MRE11: variants seen among roughly 807,000 people sequenced by gnomAD.
MRE11 encodes double-strand break repair protein MRE11.
In MRE11, 62 loss-of-function variants were observed where a neutral mutation model predicts 91.7. The ratio of observed to expected loss-of-function variants is 0.68; its 90% CI spans 0.55 to 0.84. The LOEUF (loss-of-function observed/expected upper bound fraction) is 0.84, where lower values mean the gene tolerates loss of function less well. Among genes scored for constraint, MRE11 ranks in the 40% least tolerant of loss-of-function variants. The probability of loss-of-function intolerance (pLI) is 0.00; values close to 1 mark genes in which losing one functional copy is unlikely to be tolerated. For synonymous variants in MRE11, 273 were observed against 271.4 expected, an observed-to-expected ratio of 1.01 and a Z score of -0.06; for missense variants, 796 against 852.9, an observed-to-expected ratio of 0.93 and a Z score of 0.83.
In MRE11 at chr11:94,418,335, C is replaced by T. The variant is rs1412023942; in HGVS notation, c.*1790G>A. 4.3e-6 allele frequency: 1 copy of T among 232,812 alleles called. No homozygotes were observed. Among genetic ancestry groups the T allele is most frequent in the East Asian group, 6.1e-5 (1 of 16,528 alleles). 14.4% of individuals were successfully genotyped at this position (232,812 alleles called of 1,614,324 possible). A position where few individuals can be genotyped will look rare whatever the true frequency, so the allele number is the denominator to read the frequency against. ...ACTGCTATGTCATCACTTTCCTTAG[C>T]GGTGAACTGAATCGCATTTAGTACC... is the stretch of plus-strand genomic sequence containing the variant. On this transcript the variant is annotated 3_prime_UTR_variant, in exon 20 of 20. Coordinates refer to ENST00000323929, the MANE Select transcript of MRE11 (RefSeq NM_005591.4).
chr11:94,490,951 G>A lies in MRE11; in HGVS notation c.35C>T (p.Thr12Ile), dbSNP rs1947268667. 6.8e-7 allele frequency: 1 copy of A among 1,478,700 alleles called. No individual in the cohort carries two copies. The highest frequency in any genetic ancestry group is 9.4e-7 in the Non-Finnish European group (1 of 1,058,800). 91.6% of individuals were successfully genotyped at this position (1,478,700 alleles called of 1,614,324 possible). A position where few individuals can be genotyped will look rare whatever the true frequency, so the allele number is the denominator to read the frequency against. The change falls in exon 3 of 20, where the codon ACA becomes ATA. Residue 12 changes from threonine to isoleucine, a missense_variant. Physicochemically the swap from Thr to Ile is moderately conservative, Grantham distance 89 (BLOSUM62 -1). Transcript: ENST00000323929. ...STADALDDEN[T>I]FKILVATDIH... ...ATCTGTTGCAACTAATATTTTAAAT[G>A]TGTTTTCATCATCACTATATTAAGA...
rs996531924 is a variant in MRE11 at position 94,419,467 on chromosome 11, A to AGG, written c.*657_*658insCC. The AGG allele has an allele frequency of 3.0e-4, 42 of 142,322 alleles. No homozygotes were observed. Among genetic ancestry groups the AGG allele is most frequent in the Middle Eastern group, 2.8e-3 (1 of 356 alleles). The allele number at this position is 142,322 out of a possible 1,614,324, so 8.8% of individuals were successfully genotyped here. ...AGAGTGGGGAACGGGGGGGAGAGGGAGAGAGAGAGAGAGAGAGAGAGAGAG... is the reference window on the plus strand; with the variant it reads ...AGAGTGGGGAACGGGGGGGAGAGGGAGGGAGAGAGAGAGAGAGAGAGAGAGAG... On this transcript the variant is annotated 3_prime_UTR_variant, in exon 20 of 20. Coordinates refer to ENST00000323929, the MANE Select transcript of MRE11 (RefSeq NM_005591.4).
At chr11:94,471,894 G>A in intron 7 of MRE11, 135 bp from the exon 8 acceptor site, 2 of 718,524 alleles carry the variant, frequency 2.8e-6, no homozygotes, top group East Asian at 5.4e-5. Flanking sequence ...GTGTGCACAG[G>A]ATTGGGAATG....
At chr11:94,477,757 TGA>T (rs13447616) in intron 6 of MRE11, among the ~76,000 whole-genome samples, 4,412 of 152,048 alleles carry the variant, frequency 0.029, 232 homozygotes, top group African/African-American at 0.1. Context: ...GTAAAAAGTC[TGA>T]GAGAAAAAGC....
At chr11:94,442,027 T>C (rs993601305) in intron 16 of MRE11, among the ~76,000 whole-genome samples, 1 of 142,238 alleles carries the variant, frequency 7.0e-6, no homozygotes, top group Non-Finnish European at 1.5e-5. Context: ...ATTCAGAATG[T>C]AGCACAGAAA....
intron 19 of MRE11, among the ~76,000 whole-genome samples, chr11:94,423,669 T>C (rs1278514384): frequency 1.3e-5 from 2 of 152,224 alleles, no homozygotes; most frequent in Non-Finnish European, 2.9e-5. Flanking sequence ...CTCTGCTGCC[T>C]AGCCTTGTTT....
At chr11:94,430,044 C>G (rs1018661617) in intron 18 of MRE11, 58 bp from the exon 19 acceptor site, 1 of 1,556,988 alleles carries the variant, frequency 6.4e-7, no homozygotes, top group Non-Finnish European at 8.9e-7. Context: ...ATCAAGTGTG[C>G]CTTTCTGGCT....
chr11:94,473,587 G>A (rs990896272), intron 7 of MRE11: 2 of 152,102 alleles, frequency 1.3e-5, no homozygotes, highest in African/African-American at 4.8e-5. Context: ...GAAAGCAGAA[G>A]TATCTTGAGA....
chr11:94,464,637 T>C (rs1394367063), intron 10 of MRE11, among the ~76,000 whole-genome samples: 3 of 152,152 alleles, frequency 2.0e-5, no homozygotes, highest in African/African-American at 7.2e-5. Context: ...ATTAGTAAAT[T>C]GGTCTATCAT....
intron 19 of MRE11, among the ~76,000 whole-genome samples, chr11:94,426,392 G>A (rs1287852594): frequency 6.7e-6 from 1 of 149,716 alleles, no homozygotes; most frequent in Non-Finnish European, 1.5e-5. Flanking sequence ...AAAGCTTACA[G>A]AACTAAATGT....
intron 11 of MRE11, among the ~76,000 whole-genome samples, chr11:94,462,446 A>C (rs1946445146): frequency 6.6e-6 from 1 of 152,190 alleles, no homozygotes; most frequent in African/African-American, 2.4e-5. Context: ...TTCATATGGA[A>C]CCAAAACAGA....
At chr11:94,471,089 A>G (rs1946696389) in intron 8 of MRE11, among the ~76,000 whole-genome samples, 1 of 152,090 alleles carries the variant, frequency 6.6e-6, no homozygotes, top group African/African-American at 2.4e-5. Flanking sequence ...CATTGTAACA[A>G]TCAGAACTCA....
intron 18 of MRE11, among the ~76,000 whole-genome samples, chr11:94,430,781 AC>A (rs1945444270): frequency 6.6e-6 from 1 of 152,172 alleles, no homozygotes. Context: ...TCCTACTCTT[AC>A]AAAGCTTAAC....
At chr11:94,423,234 G>A (rs1945221365) in intron 19 of MRE11, among the ~76,000 whole-genome samples, 1 of 152,176 alleles carries the variant, frequency 6.6e-6, no homozygotes, top group Admixed American at 6.5e-5. Flanking sequence ...GTTGCCCAAT[G>A]CCAGGGCTGG....
rs371650682 is a variant in MRE11, at chr11:94,475,587, C to G, written c.659+702G>C. ...GATCAGATAATAAATCTTGCTTCTT[C>G]AAGTCTGTCTTCTTTTCAATCAATC... On this transcript the variant is annotated intron_variant, in intron 7 of 19. Transcript: ENST00000323929. The G allele has an allele frequency of 1.1e-4, 50 of 455,636 alleles. 1 individual carries two copies. The East Asian group carries it at 3.3e-3, about 30-fold the overall frequency. The allele number at this position is 455,636 out of a possible 1,614,324, so 28.2% of individuals were successfully genotyped here.
At chr11:94,497,395 G>T, upstream of MRE11, 1 of 222,018 alleles carries the variant, frequency 4.5e-6, no homozygotes, top group Non-Finnish European at 8.7e-6. Context: ...AACATCAAAA[G>T]CCTATTCCCT....
At chr11:94,502,219 T>A in the MRE11 span, among the ~76,000 whole-genome samples, 1 of 152,230 alleles carries the variant, frequency 6.6e-6, no homozygotes, top group Non-Finnish European at 1.5e-5. Flanking sequence ...TCATGCCATG[T>A]GCGCATGATG....
At chr11:94,450,439 G>GA (rs1441745168) in intron 14 of MRE11, among the ~76,000 whole-genome samples, 1 of 152,072 alleles carries the variant, frequency 6.6e-6, no homozygotes, top group Non-Finnish European at 1.5e-5. Flanking sequence ...TCTATACACT[G>GA]AAAATTAATA....
At chr11:94,466,810 C>T (rs1946576589) in intron 10 of MRE11, among the ~76,000 whole-genome samples, 1 of 152,144 alleles carries the variant, frequency 6.6e-6, no homozygotes, top group South Asian at 2.1e-4. Context: ...TCCCAGGCAA[C>T]AACAACACTG....
Sources: gnomAD v4.1 joint callset for allele counts (sites outside exome capture counted in the v4.1 genomes callset) on GRCh38, gnomAD v4.1.1 for gene constraint, MANE v1.5 for transcripts, NCBI Gene and HGNC (gene_info 2026-07-23, HGNC 2026-07-21) for gene names.